The following PRKG1 variants were observed in gnomAD, a reference collection of about 807,000 sequenced individuals.
The protein encoded by PRKG1 is protein kinase cGMP-dependent 1, also known as cGMP-dependent protein kinase 1.
A neutral mutation model predicts 88.1 loss-of-function variants in PRKG1; 35 were observed. The observed-to-expected ratio is 0.40, with a 90% CI of 0.30 to 0.53. The LOEUF is 0.53. PRKG1 is among the 20% of genes least tolerant of loss of function. PRKG1 has a pLI of 0.59. For synonymous variants in PRKG1, 303 were observed against 292.5 expected (o/e 1.04, Z -0.37); for missense variants, 540 against 839.8 (o/e 0.64, Z 4.41).
At chr10:51,574,770 CTT>C (rs1383523214) in intron 3 of PRKG1, among the ~76,000 whole-genome samples, 1 of 151,944 alleles carries the variant, frequency 6.6e-6, no homozygotes, top group African/African-American at 2.4e-5. Context: ...ACAAAACAGA[CTT>C]TATAGCCTTC....
In PRKG1 at chr10:51,920,804, A is replaced by G. The variant is rs60573306; in HGVS notation, c.762+13234A>G. ...CTTTTAAACATAACTTTTTTTTCTC[A>G]TGAGTAGACCTTATTATTTTTAGAG... On this transcript the variant is annotated intron_variant, in intron 5 of 17. Transcript: ENST00000373980. 6.6e-5 allele frequency among the ~76,000 whole-genome samples: 10 copies of G among 151,946 alleles called. No homozygotes were observed. In the East Asian group the frequency reaches 1.9e-3, roughly 29 times the overall value.
chr10:51,698,642 C>G, intron 3 of PRKG1: 1 of 1,614,118 alleles, frequency 6.2e-7, no homozygotes, highest in Non-Finnish European at 8.5e-7. Context: ...CTGCACTTGT[C>G]CCCGCTCTAA....
chr10:52,032,049 A>G (rs1222305723), intron 5 of PRKG1, among the ~76,000 whole-genome samples: 2 of 152,192 alleles, frequency 1.3e-5, no homozygotes, highest in African/African-American at 2.4e-5. Flanking sequence ...ATATTATGCC[A>G]TGGAGAATGT....
At chr10:51,259,729 G>A (rs1175262898) in intron 2 of PRKG1, among the ~76,000 whole-genome samples, 1 of 152,118 alleles carries the variant, frequency 6.6e-6, no homozygotes, top group Non-Finnish European at 1.5e-5. Flanking sequence ...ACCCACCTTG[G>A]CCTCCCAAAG....
At chr10:51,828,490 T>C (rs1352065738) in intron 4 of PRKG1, among the ~76,000 whole-genome samples, 1 of 152,150 alleles carries the variant, frequency 6.6e-6, no homozygotes, top group Non-Finnish European at 1.5e-5. Flanking sequence ...AGAGAAGGGC[T>C]TTTACATTAG....
chr10:51,303,433 C>T (rs913410957), intron 2 of PRKG1, among the ~76,000 whole-genome samples: 2 of 151,838 alleles, frequency 1.3e-5, no homozygotes, highest in Non-Finnish European at 2.9e-5. Flanking sequence ...CTGTCAGTGA[C>T]ATCTGCCAAA....
At chr10:51,103,502 G>T (rs1294005030) in intron 1 of PRKG1, among the ~76,000 whole-genome samples, 3 of 152,178 alleles carry the variant, frequency 2.0e-5, no homozygotes, top group South Asian at 4.1e-4. Flanking sequence ...CAATAAAATT[G>T]TCACTGATTG....
At chr10:51,233,699 T>G (rs938524570) in intron 2 of PRKG1, among the ~76,000 whole-genome samples, 7 of 152,202 alleles carry the variant, frequency 4.6e-5, no homozygotes, top group Non-Finnish European at 1.0e-4. Context: ...GTGAGAGAGA[T>G]CCTTAATAGG....
intron 1 of PRKG1, among the ~76,000 whole-genome samples, chr10:51,088,672 T>G (rs76580013): frequency 2.0e-5 from 3 of 152,150 alleles, no homozygotes; most frequent in Non-Finnish European, 4.4e-5. Context: ...AATTTCTATG[T>G]TTTGACTGTT....
chr10:52,211,514 G>A lies in PRKG1; in HGVS notation c.1077-40056G>A, dbSNP rs114168461. 3.3e-3 allele frequency among the ~76,000 whole-genome samples: 505 copies of A among 152,054 alleles called. 2 individuals carry two copies. The highest frequency in any genetic ancestry group is 0.011 in the African/African-American group (468 of 41,490). ...ATTTCTATTTAAGAATTATGCATGC[G>A]TTTAGAAATTGCTACTATCAGATGG... is the stretch of plus-strand genomic sequence containing the variant. On this transcript the variant is annotated intron_variant, in intron 9 of 17. Transcript: ENST00000373980.
chr10:51,672,040 A>G (rs1456630226), intron 3 of PRKG1, among the ~76,000 whole-genome samples: 1 of 113,486 alleles, frequency 8.8e-6, no homozygotes, highest in African/African-American at 3.3e-5. Context: ...TTTGTAAACT[A>G]TCTATTTATC....
intron 2 of PRKG1, among the ~76,000 whole-genome samples, chr10:51,459,737 G>A (rs750446606): frequency 4.5e-4 from 68 of 152,110 alleles, no homozygotes; most frequent in South Asian, 2.1e-4. Context: ...GTGGAGAAAG[G>A]ATGTTATTCT....
intron 5 of PRKG1, among the ~76,000 whole-genome samples, chr10:51,929,941 C>T (rs74913715): frequency 4.0e-4 from 61 of 152,244 alleles, no homozygotes; most frequent in South Asian, 3.1e-3. Flanking sequence ...AAGTTGGCTT[C>T]CACATAGAAG....
intron 3 of PRKG1, among the ~76,000 whole-genome samples, chr10:51,514,296 C>A (rs961254630): frequency 2.9e-4 from 44 of 152,086 alleles, no homozygotes; most frequent in African/African-American, 1.1e-3. Context: ...ATTTTTATTT[C>A]TTTGTCTGGG....
intron 3 of PRKG1, among the ~76,000 whole-genome samples, chr10:51,658,894 C>A (rs531716127): frequency 1.3e-5 from 2 of 151,810 alleles, no homozygotes; most frequent in East Asian, 3.9e-4. Context: ...GTTTTTTTTG[C>A]CCAAATCCTT....
intron 3 of PRKG1, among the ~76,000 whole-genome samples, chr10:51,567,796 A>C (rs1171339128): frequency 6.6e-6 from 1 of 152,086 alleles, no homozygotes; most frequent in Admixed American, 6.6e-5. Context: ...CATGTTGGCC[A>C]GGCTGTTCTC....
intron 2 of PRKG1, among the ~76,000 whole-genome samples, chr10:51,161,266 G>A (rs1160831468): frequency 1.3e-5 from 2 of 151,940 alleles, no homozygotes; most frequent in Non-Finnish European, 2.9e-5. Flanking sequence ...AAGAATGTGT[G>A]TATATGTACC....
At chr10:51,578,691 A>C (rs1837948913) in intron 3 of PRKG1, among the ~76,000 whole-genome samples, 1 of 152,078 alleles carries the variant, frequency 6.6e-6, no homozygotes, top group Admixed American at 6.6e-5. Flanking sequence ...ATGTCTTTTA[A>C]TAATAGCTTT....
At chr10:51,080,491 A>G (rs1844080340) in intron 1 of PRKG1, among the ~76,000 whole-genome samples, 2 of 152,092 alleles carry the variant, frequency 1.3e-5, no homozygotes, top group African/African-American at 4.8e-5. Flanking sequence ...CCTAGCAACC[A>G]TATTCGAACA....
Sources: allele counts gnomAD v4.1 joint callset (sites outside exome capture counted in the v4.1 genomes callset), GRCh38; gene constraint gnomAD v4.1.1; transcripts MANE v1.5; gene names NCBI Gene and HGNC (gene_info 2026-07-23, HGNC 2026-07-21).